Variants in SIPA1L1 observed in about 807,000 individuals in gnomAD.
SIPA1L1 encodes signal-induced proliferation-associated 1-like protein 1.
A neutral mutation model predicts 162.7 loss-of-function variants in SIPA1L1; 26 were observed. That is an observed-to-expected ratio of 0.16 (90% CI 0.12 to 0.22). The LOEUF (loss-of-function observed/expected upper bound fraction) is 0.22. SIPA1L1 is among the 10% of genes least tolerant of loss of function. The pLI, the probability that SIPA1L1 is intolerant of heterozygous loss-of-function variation, is 1.00. For missense variants in SIPA1L1, 1,874 were observed against 2,241.0 expected (o/e 0.84, Z 3.31); for synonymous variants, 829 against 837.4 (o/e 0.99, Z 0.17).
At chr14:71,333,726 G>A (rs959892996) in intron 2 of SIPA1L1, among the ~76,000 whole-genome samples, 2 of 152,198 alleles carry the variant, frequency 1.3e-5, no homozygotes, top group Non-Finnish European at 2.9e-5. Context: ...GAGATGGGAA[G>A]CCACTGGAGG....
At chr14:71,456,982 A>G (rs550496961) in intron 2 of SIPA1L1, among the ~76,000 whole-genome samples, 1 of 152,338 alleles carries the variant, frequency 6.6e-6, no homozygotes, top group Non-Finnish European at 1.5e-5. Flanking sequence ...AGGCCTTGCT[A>G]CATTGCTCAG....
At chr14:71,502,064 G>C in intron 2 of SIPA1L1, among the ~76,000 whole-genome samples, 1 of 142,668 alleles carries the variant, frequency 7.0e-6, no homozygotes, top group Admixed American at 6.9e-5. Flanking sequence ...AATCTTCATT[G>C]AACATAGCTT....
chr14:71,462,266 C>T (rs2046660221), intron 2 of SIPA1L1, among the ~76,000 whole-genome samples: 1 of 152,188 alleles, frequency 6.6e-6, no homozygotes. Context: ...CTAGAGGCCT[C>T]CTCTGTGATT....
At chr14:71,665,496 A>T (rs1240899836) in intron 10 of SIPA1L1, among the ~76,000 whole-genome samples, 1 of 152,214 alleles carries the variant, frequency 6.6e-6, no homozygotes, top group African/African-American at 2.4e-5. Flanking sequence ...GTATCGTTGC[A>T]GTGACCTTAA....
chr14:71,645,637 G>A (rs927311965), intron 7 of SIPA1L1, among the ~76,000 whole-genome samples: 4 of 152,194 alleles, frequency 2.6e-5, no homozygotes, highest in African/African-American at 7.2e-5. Context: ...TTTTTATTTG[G>A]GGAAGGGGTG....
At chr14:71,503,191 A>G (rs1015396947) in intron 2 of SIPA1L1, among the ~76,000 whole-genome samples, 1 of 152,226 alleles carries the variant, frequency 6.6e-6, no homozygotes, top group Non-Finnish European at 1.5e-5. Context: ...TATATCTAAT[A>G]GTATAGCTCA....
intron 3 of SIPA1L1, among the ~76,000 whole-genome samples, chr14:71,526,454 T>C (rs1356371912): frequency 1.3e-5 from 2 of 152,246 alleles, no homozygotes; most frequent in African/African-American, 4.8e-5. Context: ...TATTCTTTCA[T>C]GTGTCTGGCA....
At chr14:71,504,727 G>A (rs2050518508) in intron 2 of SIPA1L1, among the ~76,000 whole-genome samples, 1 of 152,198 alleles carries the variant, frequency 6.6e-6, no homozygotes, top group Non-Finnish European at 1.5e-5. Flanking sequence ...ATGTTGAAGT[G>A]AAGAAAAATG....
At chr14:71,651,308 C>T (rs2042598090) in intron 8 of SIPA1L1, among the ~76,000 whole-genome samples, 1 of 152,112 alleles carries the variant, frequency 6.6e-6, no homozygotes, top group Non-Finnish European at 1.5e-5. Flanking sequence ...TTGGGATTAG[C>T]ACATCTGTAT....
chr14:71,435,296 G>C (rs1354080012), intron 2 of SIPA1L1, among the ~76,000 whole-genome samples: 1 of 151,828 alleles, frequency 6.6e-6, no homozygotes, highest in African/African-American at 2.4e-5. Flanking sequence ...ATTTACATTA[G>C]GTATATCTCC....
chr14:71,734,024 G>A (rs774292101), intron 21 of SIPA1L1, among the ~76,000 whole-genome samples: 2 of 152,232 alleles, frequency 1.3e-5, no homozygotes, highest in Non-Finnish European at 2.9e-5. Flanking sequence ...TCCTCCACAG[G>A]ATTCATAACA....
At chr14:71,547,445 C>T (rs1275100862) in intron 4 of SIPA1L1, among the ~76,000 whole-genome samples, 6 of 151,732 alleles carry the variant, frequency 4.0e-5, no homozygotes, top group African/African-American at 1.5e-4. Context: ...AAGTGTGCAC[C>T]ACTACACCCG....
At chr14:71,344,715 A>G (rs1234186828) in intron 2 of SIPA1L1, among the ~76,000 whole-genome samples, 1 of 152,004 alleles carries the variant, frequency 6.6e-6, no homozygotes, top group African/African-American at 2.4e-5. Context: ...GTGCGCCACT[A>G]TGCCCAGCTA....
intron 2 of SIPA1L1, among the ~76,000 whole-genome samples, chr14:71,426,379 T>TA (rs1036886322): frequency 2.0e-5 from 3 of 149,076 alleles, no homozygotes; most frequent in African/African-American, 7.4e-5. Flanking sequence ...GTGAAACCTT[T>TA]AAAATTTTTT....
chr14:71,478,013 G>A (rs2048023425), intron 2 of SIPA1L1, among the ~76,000 whole-genome samples: 1 of 152,174 alleles, frequency 6.6e-6, no homozygotes, highest in South Asian at 2.1e-4. Context: ...ATCCTTGACA[G>A]CATTTCCTGT....
At chr14:71,400,037 C>G (rs1008761546) in intron 2 of SIPA1L1, among the ~76,000 whole-genome samples, 5 of 151,778 alleles carry the variant, frequency 3.3e-5, no homozygotes, top group Non-Finnish European at 5.9e-5. Context: ...GTTGCCCAGG[C>G]TGGTCTCAAA....
Position 71,344,332 on chromosome 14 carries a change from GATGCTTAACTCAAGGTTATTATA to G in SIPA1L1, c.-465+23153_-465+23175del, listed in dbSNP as rs2035942795. Among the ~76,000 whole-genome samples, 5 of 152,288 alleles carry G rather than the reference GATGCTTAACTCAAGGTTATTATA, an allele frequency of 3.3e-5. No homozygotes were observed. The South Asian group carries it at 1.0e-3, about 32-fold the overall frequency. On this transcript the variant is annotated intron_variant, in intron 2 of 23. Coordinates refer to ENST00000381232, the MANE Select transcript of SIPA1L1 (RefSeq NM_001386936.1). ...TTAATTTTTAAAAGGAAAAGATGAT[GATGCTTAACTCAAGGTTATTATA>G]AAGATGAAATGAGACAATGTATATA...
chr14:71,408,357 GGGCT>G (rs142075806), intron 2 of SIPA1L1, among the ~76,000 whole-genome samples: 2,547 of 152,170 alleles, frequency 0.017, 74 homozygotes, highest in African/African-American at 0.053. Flanking sequence ...TTCATGCTGT[GGGCT>G]AAGCAGTTTA....
chr14:71,518,687 TC>T (rs1373792859), intron 3 of SIPA1L1, among the ~76,000 whole-genome samples: 4 of 152,294 alleles, frequency 2.6e-5, no homozygotes, highest in Non-Finnish European at 4.4e-5. Flanking sequence ...ACGCCTGTAA[TC>T]CCAGCACTTT....
Sources: allele counts gnomAD v4.1 joint callset (sites outside exome capture counted in the v4.1 genomes callset), GRCh38; gene constraint gnomAD v4.1.1; transcripts MANE v1.5; gene names NCBI Gene and HGNC (gene_info 2026-07-23, HGNC 2026-07-21).